The following HBEGF variants were observed in gnomAD, a reference collection of about 807,000 sequenced individuals.
The protein encoded by HBEGF is heparin binding EGF like growth factor, also known as proheparin-binding EGF-like growth factor.
Under a neutral mutation model 19.5 loss-of-function variants are expected in HBEGF, and 8 were observed. That is an observed-to-expected ratio of 0.41 (90% CI 0.24 to 0.74). The LOEUF is 0.74. Among genes scored for constraint, HBEGF ranks in the 30% least tolerant of loss-of-function variants. The pLI, the probability that HBEGF is intolerant of heterozygous loss-of-function variation, is 0.32. For missense variants in HBEGF, 207 were observed against 256.9 expected (o/e 0.81, Z 1.33); for synonymous variants, 97 against 108.9 (o/e 0.89, Z 0.68).
chr5:140,339,586 G>T (rs1316648506), intron 3 of HBEGF, among the ~76,000 whole-genome samples: 1 of 151,974 alleles, frequency 6.6e-6, no homozygotes, highest in Non-Finnish European at 1.5e-5. Flanking sequence ...AGAGACGGGG[G>T]TTTCTCTATG....
chr5:140,346,170 G>A lies in HBEGF; in HGVS notation c.47-86C>T, dbSNP rs1766396956. The A allele has an allele frequency of 3.9e-6, 6 of 1,558,410 alleles. No homozygotes were observed. Among genetic ancestry groups the A allele is most frequent in the Non-Finnish European group, 5.2e-6 (6 of 1,152,490 alleles). On this transcript the variant is annotated intron_variant, in intron 1 of 5. Transcript: ENST00000230990. This position sits in a 1 kb window ranked among gnomAD's most constrained non-coding sequence, Gnocchi z 6.1. ...GATGCCGACGCCCGTCCGCCAGAGC[G>A]CAAGGGCCCCACCAAGTGGCCCGTG...
rs1766221845 is a variant in HBEGF, at chr5:140,335,966, A to G, written c.460T>C (p.Leu154=). 5.0e-6 allele frequency: 8 copies of G among 1,614,034 alleles called. No individual in the cohort carries two copies. The South Asian group carries it at 6.6e-5, about 13-fold the overall frequency. ...ATGGTTGTGTGGTCATAGGTATATA[A>G]GCGATTTTCCACTGGGAGGCTCAGC... ...HGLSLPVENR[L]YTYDHTTILA... Residue 154 remains leucine (L), a synonymous_variant, in exon 4 of 6, where the codon TTA becomes CTA. Transcript: ENST00000230990.
chr5:140,341,196 G>C (rs1447727616), intron 3 of HBEGF, among the ~76,000 whole-genome samples: 1 of 152,176 alleles, frequency 6.6e-6, no homozygotes, highest in African/African-American at 2.4e-5. Flanking sequence ...GGGTTTAGGT[G>C]GTCATCCGAG....
Position 140,334,647 on chromosome 5 carries a change from TG to T in HBEGF, c.*18+10del. On this transcript the variant is annotated intron_variant, in intron 5 of 5. Coordinates refer to ENST00000230990, the MANE Select transcript of HBEGF (RefSeq NM_001945.3). ...GATAATCATGTCATGGGGCAAAGGA[TG>T]GAGCGTTACCTTGAGCACAAGTCTC... The T allele has an allele frequency of 6.5e-7, 1 of 1,549,158 alleles. No individual in the cohort carries two copies. The highest frequency in any genetic ancestry group is 8.9e-7 in the Non-Finnish European group (1 of 1,120,634).
At chr5:140,336,846 T>TTTTTTTC (rs1766235044) in intron 3 of HBEGF, among the ~76,000 whole-genome samples, 1 of 149,448 alleles carries the variant, frequency 6.7e-6, no homozygotes, top group African/African-American at 2.5e-5. Context: ...TTTTTTTTTT[T>TTTTTTTC]TGAGACAGAG....
At chr5:140,344,348 C>T (rs1766360496) in intron 2 of HBEGF, among the ~76,000 whole-genome samples, 1 of 152,104 alleles carries the variant, frequency 6.6e-6, no homozygotes, top group South Asian at 2.1e-4. Context: ...GCTCTGAAGT[C>T]CATAGACCTG....
intron 3 of HBEGF, among the ~76,000 whole-genome samples, chr5:140,339,879 C>T (rs903223082): frequency 5.3e-5 from 8 of 152,190 alleles, no homozygotes; most frequent in Admixed American, 2.0e-4. Context: ...CCCAGATGAA[C>T]GTGCACAGAT....
chr5:140,339,595 T>G (rs894744806), intron 3 of HBEGF, among the ~76,000 whole-genome samples: 2 of 152,090 alleles, frequency 1.3e-5, no homozygotes, highest in Non-Finnish European at 2.9e-5. Context: ...GGTTTCTCTA[T>G]GTTGGCCAGG....
chr5:140,334,993 G>A (rs1213948922), intron 4 of HBEGF: 3 of 563,970 alleles, frequency 5.3e-6, no homozygotes, highest in South Asian at 2.1e-5. Flanking sequence ...ATCCTTATGA[G>A]GTAGATGGAC....
chr5:140,340,602 A>AG (rs1554074975), intron 3 of HBEGF, among the ~76,000 whole-genome samples: 21 of 146,816 alleles, frequency 1.4e-4, no homozygotes, highest in Admixed American at 3.4e-4. Flanking sequence ...AAAAAAAAAA[A>AG]AAAGAAAGAA....
In HBEGF at chr5:140,333,000, A is replaced by G. The variant is rs904876462; in HGVS notation, c.*1299T>C. On this transcript the variant is annotated 3_prime_UTR_variant, in exon 6 of 6. Coordinates refer to ENST00000230990, the MANE Select transcript of HBEGF (RefSeq NM_001945.3). ...TTTGGTGAGGTGGGTGGGATTATAC[A>G]AAGCCTTCCCCACCTCCAACCTTCT... 6.6e-6 allele frequency: 1 copy of G among 152,626 alleles called. No homozygotes were observed. The highest frequency in any genetic ancestry group is 2.4e-5 in the African/African-American group (1 of 41,450). 9.5% of individuals were successfully genotyped at this position (152,626 alleles called of 1,614,324 possible).
chr5:140,342,109 GC>G (rs762032799), intron 3 of HBEGF, among the ~76,000 whole-genome samples: 18 of 152,188 alleles, frequency 1.2e-4, no homozygotes, highest in Non-Finnish European at 2.6e-4. Flanking sequence ...AGAAAGAGAG[GC>G]CTCAACCTGC....
intron 3 of HBEGF, among the ~76,000 whole-genome samples, chr5:140,341,038 C>T (rs1334359620): frequency 1.3e-5 from 2 of 152,208 alleles, no homozygotes; most frequent in African/African-American, 4.8e-5. Flanking sequence ...GTGTCTGCCA[C>T]CAAATAGGGG....
chr5:140,334,509 G>C, intron 5 of HBEGF, 149 bp downstream of exon 5: 5 of 670,840 alleles, frequency 7.5e-6, no homozygotes, highest in Non-Finnish European at 1.3e-5. Context: ...GAAGCACTGA[G>C]TCTTTTTGAA....
At chr5:140,334,536 G>A (rs1581110755) in intron 5 of HBEGF, 122 bp downstream of exon 5, 1 of 738,394 alleles carries the variant, frequency 1.4e-6, no homozygotes, top group Non-Finnish European at 2.5e-6. Context: ...TCTGCAATGG[G>A]ATATTAATGT....
intron 3 of HBEGF, among the ~76,000 whole-genome samples, chr5:140,340,749 A>C (rs1341279529): frequency 6.6e-6 from 1 of 152,136 alleles, no homozygotes; most frequent in Non-Finnish European, 1.5e-5. Context: ...CCCTCTATAA[A>C]ATGCTGCTCC....
At chr5:140,344,941 G>A (rs972587127) in intron 2 of HBEGF, among the ~76,000 whole-genome samples, 1 of 152,148 alleles carries the variant, frequency 6.6e-6, no homozygotes, top group African/African-American at 2.4e-5. Context: ...TTCAGGTCAT[G>A]GGCAACCCCA....
chr5:140,345,583 T>C (rs1766384050), intron 2 of HBEGF, among the ~76,000 whole-genome samples: 1 of 152,130 alleles, frequency 6.6e-6, no homozygotes, highest in Non-Finnish European at 1.5e-5. Flanking sequence ...TTTTACATAG[T>C]AGCTCTAGGG....
intron 3 of HBEGF, among the ~76,000 whole-genome samples, chr5:140,337,059 G>C (rs1462605619): frequency 1.3e-5 from 2 of 151,862 alleles, no homozygotes; most frequent in Admixed American, 1.3e-4. Flanking sequence ...TCAAACTCCT[G>C]ACCTCAGGTG....
Sources: gnomAD v4.1 joint callset for allele counts (sites outside exome capture counted in the v4.1 genomes callset) on GRCh38, gnomAD v4.1.1 for gene constraint, Gnocchi (gnomAD v3.1) non-coding constraint, MANE v1.5 for transcripts, NCBI Gene and HGNC (gene_info 2026-07-23, HGNC 2026-07-21) for gene names.